The following LARGE1 variants were observed in gnomAD, a reference collection of about 807,000 sequenced individuals.
LARGE1 encodes the protein xylosyl- and glucuronyltransferase LARGE1.
In LARGE1, 43 loss-of-function variants were observed where a neutral mutation model predicts 87.6. That is an observed-to-expected ratio of 0.49 (90% confidence interval 0.38 to 0.63). The LOEUF is 0.63. Among genes scored for constraint, LARGE1 ranks in the 30% least tolerant of loss-of-function variants. LARGE1 has a pLI of 0.00. For missense variants in LARGE1, 802 were observed against 1,000.2 expected, an observed-to-expected ratio of 0.80 and a Z score of 2.67; for synonymous variants, 434 against 394.6, an observed-to-expected ratio of 1.10 and a Z score of -1.18.
At chr22:33,529,867 C>T (rs1319046615) in intron 6 of LARGE1, among the ~76,000 whole-genome samples, 1 of 152,152 alleles carries the variant, frequency 6.6e-6, no homozygotes, top group East Asian at 1.9e-4. Flanking sequence ...TTAATATCTA[C>T]CCAACCATCT....
intron 9 of LARGE1, among the ~76,000 whole-genome samples, chr22:33,341,232 T>C (rs1939111493): frequency 6.6e-6 from 1 of 151,966 alleles, no homozygotes; most frequent in Non-Finnish European, 1.5e-5. Context: ...TGAAGACAGA[T>C]GGAAAAGGTG....
chr22:33,255,149 G>A (rs1927198453), intron 11 of LARGE1, among the ~76,000 whole-genome samples: 1 of 152,098 alleles, frequency 6.6e-6, no homozygotes, highest in Non-Finnish European at 1.5e-5. Flanking sequence ...TGTTGGTCAG[G>A]CTGGTCTTGA....
At chr22:33,385,978 A>T (rs1009467223) in intron 7 of LARGE1, among the ~76,000 whole-genome samples, 2 of 148,972 alleles carry the variant, frequency 1.3e-5, no homozygotes, top group African/African-American at 4.9e-5. Flanking sequence ...ACATATTTGG[A>T]GAAAAGATAT....
At chr22:33,758,361 A>G (rs1323129244) in intron 2 of LARGE1, among the ~76,000 whole-genome samples, 1 of 152,214 alleles carries the variant, frequency 6.6e-6, no homozygotes, top group Non-Finnish European at 1.5e-5. Flanking sequence ...TCCTTACAGC[A>G]TAGAGTCCAC....
chr22:33,878,984 CT>C (rs869180743), intron 1 of LARGE1, among the ~76,000 whole-genome samples: 155 of 127,932 alleles, frequency 1.2e-3, no homozygotes, highest in Middle Eastern at 4.0e-3. Context: ...CTTCTTCTTC[CT>C]TTTTTTTTTT....
chr22:33,757,170 A>G (rs2145693315), intron 2 of LARGE1, among the ~76,000 whole-genome samples: 1 of 152,278 alleles, frequency 6.6e-6, no homozygotes, highest in East Asian at 1.9e-4. Flanking sequence ...GGTGAACTCC[A>G]TGCCTGACAA....
chr22:33,680,788 C>T (rs183296298), intron 2 of LARGE1, among the ~76,000 whole-genome samples: 37 of 151,498 alleles, frequency 2.4e-4, no homozygotes, highest in Admixed American at 1.6e-3. Flanking sequence ...TCTCAGAATA[C>T]CCCCTTATCA....
intron 6 of LARGE1, among the ~76,000 whole-genome samples, chr22:33,544,554 G>C (rs1010371164): frequency 6.6e-5 from 10 of 152,006 alleles, no homozygotes; most frequent in Non-Finnish European, 1.3e-4. Context: ...GGGTGTAGTG[G>C]TACGCCTGTA....
chr22:33,157,665 T>C (rs1921913360), downstream of LARGE1, among the ~76,000 whole-genome samples: 1 of 152,216 alleles, frequency 6.6e-6, no homozygotes, highest in Admixed American at 6.5e-5. Flanking sequence ...TGAAGGATGA[T>C]CGAACTGACT....
At chr22:33,503,356 A>C (rs1462992764) in intron 6 of LARGE1, among the ~76,000 whole-genome samples, 1 of 149,044 alleles carries the variant, frequency 6.7e-6, no homozygotes, top group East Asian at 2.0e-4. Flanking sequence ...TTCCGGGTTC[A>C]AGCAATTTTC....
At chr22:33,692,404 A>T (rs1456700158) in intron 2 of LARGE1, among the ~76,000 whole-genome samples, 1 of 152,152 alleles carries the variant, frequency 6.6e-6, no homozygotes, top group Non-Finnish European at 1.5e-5. Flanking sequence ...TCCACCTCCC[A>T]GGTTCAAGTG....
intron 6 of LARGE1, among the ~76,000 whole-genome samples, chr22:33,450,541 A>G (rs2067869419): frequency 6.6e-6 from 1 of 152,086 alleles, no homozygotes; most frequent in South Asian, 2.1e-4. Context: ...GGAACCCAGC[A>G]GGCAGAGGCT....
chr22:33,474,652 G>A (rs2068995605), intron 6 of LARGE1, among the ~76,000 whole-genome samples: 1 of 152,210 alleles, frequency 6.6e-6, no homozygotes, highest in Admixed American at 6.5e-5. Context: ...GTTTTGATAA[G>A]TCATCCGGAG....
Position 33,626,631 on chromosome 22 carries a change from A to T in LARGE1, c.409-305T>A, listed in dbSNP as rs1046522987. ...GAGTCTCCTGTCCTCAAGCTGAGCG[A>T]CAATGACAATTGGTTAAACAGAGAG... On this transcript the variant is annotated intron_variant, in intron 3 of 14. Coordinates refer to ENST00000397394, the MANE Select transcript of LARGE1 (RefSeq NM_133642.5). Among the ~76,000 whole-genome samples the T allele has an allele frequency of 2.6e-5, 4 of 152,334 alleles. No individual in the cohort carries two copies. The East Asian group carries it at 7.7e-4, about 29-fold the overall frequency.
At chr22:33,726,447 C>T (rs2083275009) in intron 2 of LARGE1, among the ~76,000 whole-genome samples, 2 of 152,148 alleles carry the variant, frequency 1.3e-5, no homozygotes, top group Non-Finnish European at 2.9e-5. Context: ...ACAAGTTTTT[C>T]CCTGCAACTG....
chr22:33,202,329 G>A (rs1924440749), intron 11 of LARGE1, among the ~76,000 whole-genome samples: 1 of 152,128 alleles, frequency 6.6e-6, no homozygotes, highest in African/African-American at 2.4e-5. Flanking sequence ...AAGAGTGGCA[G>A]GTCTCCTTGA....
rs563428698 is a variant in LARGE1, at chr22:33,770,312, C to A, written c.-82-8754G>T. ...TTTCATTATTTATGAAAGTCATCAG[C>A]TCATTTCTAAAGCTTCATAAAGCAT... is the stretch of plus-strand genomic sequence containing the variant. On this transcript the variant is annotated intron_variant, in intron 1 of 14. Transcript: ENST00000397394. Among the ~76,000 whole-genome samples the A allele has an allele frequency of 2.8e-4, 42 of 152,338 alleles. No homozygotes were observed. The South Asian group carries it at 8.5e-3, about 31-fold the overall frequency.
chr22:33,412,608 T>A (rs1397801513), intron 7 of LARGE1, among the ~76,000 whole-genome samples: 1 of 152,230 alleles, frequency 6.6e-6, no homozygotes, highest in African/African-American at 2.4e-5. Flanking sequence ...CCTTTGTTTT[T>A]CAAATGACAT....
intron 7 of LARGE1, among the ~76,000 whole-genome samples, chr22:33,411,846 G>A (rs2066313888): frequency 6.6e-6 from 1 of 152,134 alleles, no homozygotes; most frequent in Admixed American, 6.5e-5. Context: ...TAATGTAGAA[G>A]ACGCCCAATA....
Sources: gnomAD v4.1 joint callset for allele counts (sites outside exome capture counted in the v4.1 genomes callset) on GRCh38, gnomAD v4.1.1 for gene constraint, MANE v1.5 for transcripts, NCBI Gene and HGNC (gene_info 2026-07-23, HGNC 2026-07-21) for gene names.